MLYCD: variants seen among roughly 807,000 people sequenced by gnomAD.
The protein encoded by MLYCD is malonyl-CoA decarboxylase, mitochondrial.
MLYCD carries 27 observed loss-of-function variants against 35.8 expected under a neutral mutation model. The observed-to-expected ratio is 0.75, with a 90% CI of 0.56 to 1.04. MLYCD has a LOEUF of 1.04. Ranked by LOEUF, MLYCD falls within the 50% of genes least tolerant of loss-of-function variation. The pLI, the probability that MLYCD is intolerant of heterozygous loss-of-function variation, is 0.00. For missense variants in MLYCD, 917 were observed against 665.1 expected, an observed-to-expected ratio of 1.38 and a Z score of -4.17; for synonymous variants, 403 against 302.4, an observed-to-expected ratio of 1.33 and a Z score of -3.45.
Position 83,920,265 on chromosome 16 carries a change from TCTC to T in MLYCD, c.*4781_*4783del, listed in dbSNP as rs1405652949. On this transcript the variant is annotated 3_prime_UTR_variant, in exon 5 of 5. Coordinates refer to ENST00000262430, the MANE Select transcript of MLYCD (RefSeq NM_012213.3). ...CCATTCTGTTTGCGATAAAAACAGA[TCTC>T]CTCCAGCTCACGTGAGGCTAGGCAC... 3.3e-5 allele frequency: 5 copies of T among 152,110 alleles called. No individual in the cohort carries two copies. The highest frequency in any genetic ancestry group is 7.4e-5 in the Non-Finnish European group (5 of 68,014). The allele number at this position is 152,110 out of a possible 1,614,324, so 9.4% of individuals were successfully genotyped here.
Position 83,917,239 on chromosome 16 carries a change from CTGTG to C in MLYCD, c.*1753_*1756del, listed in dbSNP as rs988514170. On this transcript the variant is annotated 3_prime_UTR_variant, in exon 5 of 5. Transcript: ENST00000262430. ...CGTCTCTGTGTGGATCAGTGCACGTCTGTGTGCGTGTGCCCGAGCGTCTCTGTGT... is the reference window on the plus strand; with the variant it reads ...CGTCTCTGTGTGGATCAGTGCACGTCTGCGTGTGCCCGAGCGTCTCTGTGT... 1 of 137,592 alleles carries C rather than the reference CTGTG, an allele frequency of 7.3e-6. No homozygotes were observed. Among genetic ancestry groups the C allele is most frequent in the East Asian group, 2.4e-4 (1 of 4,230 alleles). 8.5% of individuals were successfully genotyped at this position (137,592 alleles called of 1,614,324 possible).
At position 83,916,240 on chromosome 16, in the gene MLYCD, C is replaced by G. The variant is rs1440066189; in HGVS notation, c.*751C>G. ...ATTAGAGACCTGGGAAGGCTGGAATCAGCCAGCCAGCCTACGGGGAGTTTG... is the reference window on the plus strand; with the variant it reads ...ATTAGAGACCTGGGAAGGCTGGAATGAGCCAGCCAGCCTACGGGGAGTTTG... On this transcript the variant is annotated 3_prime_UTR_variant, in exon 5 of 5. Transcript: ENST00000262430. 1.0e-6 allele frequency: 1 copy of G among 982,422 alleles called. No individual in the cohort carries two copies. The highest frequency in any genetic ancestry group is 1.2e-6 in the Non-Finnish European group (1 of 825,480). The allele number at this position is 982,422 out of a possible 1,614,324, so 60.9% of individuals were successfully genotyped here. A position where few individuals can be genotyped will look rare whatever the true frequency, so the allele number is the denominator to read the frequency against.
In MLYCD at chr16:83,924,971, T is replaced by G. The variant is rs1322387797; in HGVS notation, c.*9482T>G. On this transcript the variant is annotated 3_prime_UTR_variant, in exon 5 of 5. Coordinates refer to ENST00000262430, the MANE Select transcript of MLYCD (RefSeq NM_012213.3). ...CTCTCGGCTTCCGGGAGTCCCCTCC[T>G]TCTCTAAGGATCTCACCCCCATCCG... 1 of 152,320 alleles carries G rather than the reference T, an allele frequency of 6.6e-6. No homozygotes were observed. The highest frequency in any genetic ancestry group is 1.5e-5 in the Non-Finnish European group (1 of 68,102). 9.4% of individuals were successfully genotyped at this position (152,320 alleles called of 1,614,324 possible). A position where few individuals can be genotyped will look rare whatever the true frequency, so the allele number is the denominator to read the frequency against.
At chr16:83,914,801 G>A in intron 4 of MLYCD, 155 bp from the exon 5 acceptor site, 1 of 1,130,006 alleles carries the variant, frequency 8.8e-7, no homozygotes, top group South Asian at 1.3e-5. Flanking sequence ...AAGAAAAGCT[G>A]CTTGAAAGAA....
chr16:83,912,635 C>G lies in MLYCD; in HGVS notation c.948+268C>G, dbSNP rs139862559. 2,318 of 489,254 alleles carry G rather than the reference C, an allele frequency of 4.7e-3. 56 individuals are homozygous for G. The highest frequency in any genetic ancestry group is 0.042 in the South Asian group (2,072 of 49,688). 30.3% of individuals were successfully genotyped at this position (489,254 alleles called of 1,614,324 possible). A position where few individuals can be genotyped will look rare whatever the true frequency, so the allele number is the denominator to read the frequency against. On this transcript the variant is annotated intron_variant, in intron 4 of 4. Transcript: ENST00000262430. ...GTTGTATTCTGAGGTCATCAACTCTCTCTAGGGTGACCTCGTTCTGACCTG... is the reference window on the plus strand; with the variant it reads ...GTTGTATTCTGAGGTCATCAACTCTGTCTAGGGTGACCTCGTTCTGACCTG...
Position 83,919,252 on chromosome 16 carries a change from CATGCACA to C in MLYCD, c.*3764_*3770del, listed in dbSNP as rs1907558240. On this transcript the variant is annotated 3_prime_UTR_variant, in exon 5 of 5. Transcript: ENST00000262430. The stretch of plus-strand genomic sequence containing the variant: ...CACACACACACACTGCACAGGAGAC[CATGCACA>C]GTGCACAGGAGAATACACATGGTGC... The C allele has an allele frequency of 1.4e-5, 2 of 142,428 alleles. No homozygotes were observed. Among genetic ancestry groups the C allele is most frequent in the African/African-American group, 2.7e-5 (1 of 36,434 alleles). 8.8% of individuals were successfully genotyped at this position (142,428 alleles called of 1,614,324 possible). A position where few individuals can be genotyped will look rare whatever the true frequency, so the allele number is the denominator to read the frequency against.
rs527658557 is a variant in MLYCD, at chr16:83,922,545, C to G, written c.*7056C>G. On this transcript the variant is annotated 3_prime_UTR_variant, in exon 5 of 5. Coordinates refer to ENST00000262430, the MANE Select transcript of MLYCD (RefSeq NM_012213.3). ...TGCCCAGTTCAAATGCTGGCCCCAC[C>G]ACTTCCAGCTGGGTGGCCCAGGGCA... 1 of 152,458 alleles carries G rather than the reference C, an allele frequency of 6.6e-6. No individual in the cohort carries two copies. The highest frequency in any genetic ancestry group is 2.1e-4 in the South Asian group (1 of 4,836). The allele number at this position is 152,458 out of a possible 1,614,324, so 9.4% of individuals were successfully genotyped here.
Position 83,899,245 on chromosome 16 carries a change from G to C in MLYCD, c.101G>C (p.Gly34Ala). The change falls in exon 1 of 5, where the codon GGC becomes GCC. Residue 34 changes from glycine to alanine, a missense_variant. Coordinates refer to ENST00000262430, the MANE Select transcript of MLYCD (RefSeq NM_012213.3). ...GPRLASGQAA[G>A]ALERAMDELL... is the part of the protein sequence containing the mutation. ...CGGCTGGCGAGCGGGCAGGCGGCCG[G>C]CGCCCTGGAGCGGGCCATGGACGAG... 3 of 1,272,998 alleles carry C rather than the reference G, an allele frequency of 2.4e-6. No individual in the cohort carries two copies. The highest frequency in any genetic ancestry group is 3.0e-6 in the Non-Finnish European group (3 of 1,015,354). 78.9% of individuals were successfully genotyped at this position (1,272,998 alleles called of 1,614,324 possible). A position where few individuals can be genotyped will look rare whatever the true frequency, so the allele number is the denominator to read the frequency against.
At chr16:83,906,293 AGACAGGAGGACCACAT>A (rs1477925074) in intron 1 of MLYCD, among the ~76,000 whole-genome samples, 1 of 152,108 alleles carries the variant, frequency 6.6e-6, no homozygotes, top group East Asian at 1.9e-4. Flanking sequence ...TGGGGGGCTG[AGACAGGAGGACCACAT>A]GAGCCCAGGA....
intron 4 of MLYCD, chr16:83,912,823 C>G (rs1037127809): frequency 7.3e-6 from 2 of 274,694 alleles, no homozygotes. Context: ...TAGCTTGGGC[C>G]TTCTCATGGC....
In MLYCD at chr16:83,917,817, A is replaced by G. The variant is rs1762350328; in HGVS notation, c.*2328A>G. On this transcript the variant is annotated 3_prime_UTR_variant, in exon 5 of 5. Coordinates refer to ENST00000262430, the MANE Select transcript of MLYCD (RefSeq NM_012213.3). ...CTGCTGCCTCCAGAGTGCCATGGACAGATCACCCATTCTCGATCACTCCGG... is the reference window on the plus strand; with the variant it reads ...CTGCTGCCTCCAGAGTGCCATGGACGGATCACCCATTCTCGATCACTCCGG... 6.6e-6 allele frequency: 1 copy of G among 152,254 alleles called. No individual in the cohort carries two copies. The highest frequency in any genetic ancestry group is 1.5e-5 in the Non-Finnish European group (1 of 68,074). The allele number at this position is 152,254 out of a possible 1,614,324, so 9.4% of individuals were successfully genotyped here. A position where few individuals can be genotyped will look rare whatever the true frequency, so the allele number is the denominator to read the frequency against.
chr16:83,909,529 C>T (rs1402509094), intron 3 of MLYCD, among the ~76,000 whole-genome samples: 1 of 151,694 alleles, frequency 6.6e-6, no homozygotes, highest in East Asian at 1.9e-4. Context: ...TTAATAATAT[C>T]TGTTGAGTAG....
Position 83,899,364 on chromosome 16 carries a change from T to G in MLYCD, c.220T>G (p.Phe74Val). 1 of 1,527,438 alleles carries G rather than the reference T, an allele frequency of 6.5e-7. No homozygotes were observed. The highest frequency in any genetic ancestry group is 8.7e-7 in the Non-Finnish European group (1 of 1,146,280). 94.6% of individuals were successfully genotyped at this position (1,527,438 alleles called of 1,614,324 possible). The change falls in exon 1 of 5, where the codon TTC becomes GTC. Residue 74 changes from phenylalanine to valine, a missense_variant. Transcript: ENST00000262430. ...GGGTCAGTGCGCGGACTTCGTGAGCTTCTACGGTGGGCTGGCCGAGACGGC... is the reference window on the plus strand; with the variant it reads ...GGGTCAGTGCGCGGACTTCGTGAGCGTCTACGGTGGGCTGGCCGAGACGGC... ...AEGQCADFVS[F>V]YGGLAETAQR... is the part of the protein sequence containing the mutation.
chr16:83,906,302 G>A (rs372180260), intron 1 of MLYCD, among the ~76,000 whole-genome samples: 86 of 152,196 alleles, frequency 5.7e-4, no homozygotes, highest in African/African-American at 2.0e-3. Flanking sequence ...GAGACAGGAG[G>A]ACCACATGAG....
At chr16:83,907,884 C>G (rs1907037698) in intron 2 of MLYCD, among the ~76,000 whole-genome samples, 1 of 152,170 alleles carries the variant, frequency 6.6e-6, no homozygotes. Context: ...GCCTCACAAA[C>G]TCCTTTTAAA....
chr16:83,909,094 C>T (rs991551971), intron 3 of MLYCD, among the ~76,000 whole-genome samples: 7 of 152,082 alleles, frequency 4.6e-5, no homozygotes, highest in Admixed American at 4.6e-4. Flanking sequence ...CATTCCCTTA[C>T]AATGTTTGTG....
Position 83,915,135 on chromosome 16 carries a change from G to T in MLYCD, c.1128G>T (p.Lys376Asn). 1 of 1,614,260 alleles carries T rather than the reference G, an allele frequency of 6.2e-7. No individual in the cohort carries two copies. The highest frequency in any genetic ancestry group is 1.1e-5 in the South Asian group (1 of 91,088). The change falls in exon 5 of 5, where the codon AAG (lysine) becomes AAT (asparagine). Residue 376 changes from lysine to asparagine, a missense_variant. Lys to Asn is a moderately conservative substitution (Grantham distance 94). Coordinates refer to ENST00000262430, the MANE Select transcript of MLYCD (RefSeq NM_012213.3). ...GTGGCCCCATTAACGAGACCCTCAA[G>T]CTCCTCCTCAGCAGCAGCGAGTGGG... Reference protein sequence around the residue: ...ITGGPINETLKLLLSSSEWVQ... With the variant: ...ITGGPINETLNLLLSSSEWVQ...
chr16:83,917,789 A>G lies in MLYCD; in HGVS notation c.*2300A>G, dbSNP rs572701330. 2 of 152,276 alleles carry G rather than the reference A, an allele frequency of 1.3e-5. No individual in the cohort carries two copies. Among genetic ancestry groups the G allele is most frequent in the South Asian group, 2.1e-4 (1 of 4,816 alleles). 9.4% of individuals were successfully genotyped at this position (152,276 alleles called of 1,614,324 possible). On this transcript the variant is annotated 3_prime_UTR_variant, in exon 5 of 5. Coordinates refer to ENST00000262430, the MANE Select transcript of MLYCD (RefSeq NM_012213.3). ...AAAGACCAGCAGTCTTCTGTGCTTTATCCTGCTGCCTCCAGAGTGCCATGG... is the reference window on the plus strand; with the variant it reads ...AAAGACCAGCAGTCTTCTGTGCTTTGTCCTGCTGCCTCCAGAGTGCCATGG...
In MLYCD at chr16:83,923,158, G is replaced by A. The variant is rs956522895; in HGVS notation, c.*7669G>A. The A allele has an allele frequency of 6.6e-6, 1 of 152,288 alleles. No homozygotes were observed. Among genetic ancestry groups the A allele is most frequent in the Non-Finnish European group, 1.5e-5 (1 of 68,082 alleles). The allele number at this position is 152,288 out of a possible 1,614,324, so 9.4% of individuals were successfully genotyped here. ...ACCTCCAGGGCAAGAACAACCAAGA[G>A]TTGCTCCCAAGAGGGCTTCCCTCCT... On this transcript the variant is annotated 3_prime_UTR_variant, in exon 5 of 5. Coordinates refer to ENST00000262430, the MANE Select transcript of MLYCD (RefSeq NM_012213.3).
Sources: gnomAD v4.1 joint callset for allele counts (sites outside exome capture counted in the v4.1 genomes callset) on GRCh38, gnomAD v4.1.1 for gene constraint, MANE v1.5 for transcripts, NCBI Gene and HGNC (gene_info 2026-07-23, HGNC 2026-07-21) for gene names.